ALG14: variants seen among roughly 807,000 people sequenced by gnomAD.
The protein encoded by ALG14 is ALG14 UDP-N-acetylglucosaminyltransferase subunit.
A neutral mutation model predicts 22.8 loss-of-function variants in ALG14; 17 were observed. The ratio of observed to expected loss-of-function variants is 0.75; its 90% CI spans 0.51 to 1.12. The LOEUF (loss-of-function observed/expected upper bound fraction) is 1.12, where lower values mean the gene tolerates loss of function less well. Ranked by LOEUF, ALG14 falls within the 50% of genes most tolerant of loss-of-function variation. ALG14 has a pLI of 0.00. For synonymous variants in ALG14, 89 were observed against 103.7 expected, an observed-to-expected ratio of 0.86 and a Z score of 0.86; for missense variants, 288 against 271.8, an observed-to-expected ratio of 1.06 and a Z score of -0.42.
At chr1:95,058,272 G>A (rs1301240837) in intron 2 of ALG14, among the ~76,000 whole-genome samples, 1 of 102,114 alleles carries the variant, frequency 9.8e-6, no homozygotes, top group Non-Finnish European at 1.8e-5. Context: ...GCAACAAAGC[G>A]AGACTCCATC....
intron 3 of ALG14, among the ~76,000 whole-genome samples, chr1:94,994,441 G>C (rs1672859305): frequency 6.6e-6 from 1 of 152,202 alleles, no homozygotes; most frequent in African/African-American, 2.4e-5. Flanking sequence ...TGAGGAGTAA[G>C]GGAAACACAC....
At chr1:95,071,240 C>T (rs1485586965) in intron 1 of ALG14, among the ~76,000 whole-genome samples, 1 of 152,104 alleles carries the variant, frequency 6.6e-6, no homozygotes, top group South Asian at 2.1e-4. Flanking sequence ...GGAGTAGCAG[C>T]AATTGCTTTA....
chr1:94,986,081 G>GAGAC (rs1402436329), intron 3 of ALG14, among the ~76,000 whole-genome samples: 2 of 152,194 alleles, frequency 1.3e-5, no homozygotes, highest in Admixed American at 6.5e-5. Context: ...AGAACTCACT[G>GAGAC]AGACAGTCTA....
Position 95,072,692 on chromosome 1 carries a change from A to G in ALG14, c.136+71T>C, listed in dbSNP as rs368600033. The G allele has an allele frequency of 2.6e-4, 410 of 1,576,942 alleles. 4 individuals are homozygous for G. The South Asian group carries it at 4.2e-3, about 16-fold the overall frequency. On this transcript the variant is annotated intron_variant, in intron 1 of 3. Transcript: ENST00000370205. ...CAAGAAGTGCTAAGGGTACCAGGGAAGAGCGTCGCGGTGCACTCTGGGGTT... is the reference window on the plus strand; with the variant it reads ...CAAGAAGTGCTAAGGGTACCAGGGAGGAGCGTCGCGGTGCACTCTGGGGTT...
chr1:95,061,470 C>G (rs752772122), intron 2 of ALG14: 1 of 151,828 alleles, frequency 6.6e-6, no homozygotes, highest in South Asian at 2.1e-4. Flanking sequence ...AAAGTTAACA[C>G]AAACAGCCTT....
intron 3 of ALG14, among the ~76,000 whole-genome samples, chr1:95,017,534 G>C (rs1557955032): frequency 6.6e-6 from 1 of 152,136 alleles, no homozygotes; most frequent in African/African-American, 2.4e-5. Flanking sequence ...GAATGTCAAG[G>C]ATAAGATGAA....
At chr1:95,042,514 C>A (rs1471455468) in intron 2 of ALG14, among the ~76,000 whole-genome samples, 10 of 152,206 alleles carry the variant, frequency 6.6e-5, no homozygotes, top group Admixed American at 2.0e-4. Flanking sequence ...TCACTGCTGT[C>A]CTGAGAATTC....
intron 2 of ALG14, among the ~76,000 whole-genome samples, chr1:95,055,130 A>C (rs1674883784): frequency 6.6e-6 from 1 of 152,246 alleles, no homozygotes; most frequent in Non-Finnish European, 1.5e-5. Flanking sequence ...CACATTTTTA[A>C]AATCAGAAAG....
chr1:95,069,837 C>T (rs925466578), intron 1 of ALG14, among the ~76,000 whole-genome samples: 7 of 152,130 alleles, frequency 4.6e-5, no homozygotes, highest in Admixed American at 3.3e-4. Context: ...CTCCCAAAAG[C>T]TGGTCATAAA....
chr1:94,991,362 C>T (rs950069375), intron 3 of ALG14, among the ~76,000 whole-genome samples: 2 of 152,208 alleles, frequency 1.3e-5, no homozygotes, highest in Non-Finnish European at 2.9e-5. Context: ...CTGGATGTTA[C>T]ACCTACGCTA....
intron 3 of ALG14, among the ~76,000 whole-genome samples, chr1:95,012,965 T>C (rs909599967): frequency 6.6e-6 from 1 of 151,976 alleles, no homozygotes; most frequent in Non-Finnish European, 1.5e-5. Flanking sequence ...AAACCCCTTC[T>C]CTACTAATAA....
At chr1:94,996,005 G>A (rs1672900198) in intron 3 of ALG14, among the ~76,000 whole-genome samples, 1 of 152,186 alleles carries the variant, frequency 6.6e-6, no homozygotes, top group Non-Finnish European at 1.5e-5. Flanking sequence ...CTGCACTAAT[G>A]ACGCTTTCCT....
chr1:95,003,391 T>C (rs149671110), intron 3 of ALG14, among the ~76,000 whole-genome samples: 25 of 151,882 alleles, frequency 1.6e-4, no homozygotes, highest in Admixed American at 1.4e-3. Context: ...CCACAGTGGT[T>C]GTGGACTTTA....
chr1:95,024,677 G>T lies in ALG14; in HGVS notation c.420+2452C>A, dbSNP rs549446117. ...CACAGATCACCTCAGTCCACTCAGG[G>T]GTAGAGCTGTGTTTACTTTTATACC... On this transcript the variant is annotated intron_variant, in intron 3 of 3. Transcript: ENST00000370205. Among the ~76,000 whole-genome samples, 4 of 152,244 alleles carry T rather than the reference G, an allele frequency of 2.6e-5. No individual in the cohort carries two copies. The South Asian group carries it at 8.3e-4, about 32-fold the overall frequency.
intron 2 of ALG14, among the ~76,000 whole-genome samples, chr1:95,047,718 G>A (rs114040374): frequency 0.019 from 2,926 of 152,204 alleles, 48 homozygotes; most frequent in Non-Finnish European, 0.029. Context: ...GGTGAGTCAC[G>A]CCTGTAATCC....
intron 2 of ALG14, among the ~76,000 whole-genome samples, chr1:95,034,284 T>C (rs1210123392): frequency 6.6e-6 from 1 of 152,188 alleles, no homozygotes; most frequent in Admixed American, 6.5e-5. Context: ...TACCTCCAAT[T>C]AACTTGTTCA....
chr1:95,036,573 T>C lies in ALG14; in HGVS notation c.289-9313A>G, dbSNP rs1244831065. 2.0e-5 allele frequency among the ~76,000 whole-genome samples: 3 copies of C among 151,844 alleles called. No homozygotes were observed. In the East Asian group the frequency reaches 5.8e-4, roughly 29 times the overall value. ...TCTCAAGTAGTTGGGATTACAGGTA[T>C]GCGCCACCATACCCGGCTAATTTTT... On this transcript the variant is annotated intron_variant, in intron 2 of 3. Transcript: ENST00000370205.
chr1:94,991,631 G>A (rs1672776110), intron 3 of ALG14, among the ~76,000 whole-genome samples: 1 of 152,082 alleles, frequency 6.6e-6, no homozygotes, highest in African/African-American at 2.4e-5. Flanking sequence ...GAAGGCCCAG[G>A]ACATTCCTGT....
rs188840461 is a variant in ALG14, at chr1:94,996,906, T to C, written c.421-13600A>G. Among the ~76,000 whole-genome samples the C allele has an allele frequency of 3.2e-3, 491 of 152,180 alleles. 1 individual carries two copies. Among genetic ancestry groups the C allele is most frequent in the African/African-American group, 0.011 (472 of 41,524 alleles). On this transcript the variant is annotated intron_variant, in intron 3 of 3. Coordinates refer to ENST00000370205, the MANE Select transcript of ALG14 (RefSeq NM_144988.4). ...CGTTGTTGGCCAGGCTGGTATCGAA[T>C]TCCTGACCTCAGGTGATCCACCCGC...
Sources: allele counts gnomAD v4.1 joint callset (sites outside exome capture counted in the v4.1 genomes callset), GRCh38; gene constraint gnomAD v4.1.1; transcripts MANE v1.5; gene names NCBI Gene and HGNC (gene_info 2026-07-23, HGNC 2026-07-21).